The following POMC variants were observed in gnomAD, a reference collection of about 807,000 sequenced individuals.
POMC encodes the protein proopiomelanocortin.
POMC carries 19 observed loss-of-function variants against 18.5 expected under a neutral mutation model. The observed-to-expected ratio is 1.03, with a 90% CI of 0.72 to 1.51. The LOEUF (loss-of-function observed/expected upper bound fraction) is 1.51. POMC is among the 40% of genes most tolerant of loss of function. The probability of loss-of-function intolerance (pLI) is 0.00; values close to 1 mark genes in which losing one functional copy is unlikely to be tolerated. For synonymous variants in POMC, 179 were observed against 161.9 expected (o/e 1.11, Z -0.80); for missense variants, 451 against 379.0 (o/e 1.19, Z -1.58).
At chr2:25,167,325 A>C (rs1196919534) in intron 1 of POMC, among the ~76,000 whole-genome samples, 1 of 152,242 alleles carries the variant, frequency 6.6e-6, no homozygotes, top group Non-Finnish European at 1.5e-5. Flanking sequence ...GGCTCCTTCC[A>C]GCCATTCTGT....
Position 25,161,599 on chromosome 2 carries a change from C to CGCTGCTGCTGCTGTTGCG in POMC, c.268_285dup (p.Arg90_Ser95dup), listed in dbSNP as rs1558628664. On this transcript the variant is annotated inframe_insertion, in exon 3 of 3. Transcript: ENST00000395826. The surrounding 1 kb of genome is among the most constrained non-coding windows in gnomAD (Gnocchi z 5.7). Reference sequence around the variant, plus strand: ...CGCTTCTGCCCTGCGCCGCTGCTGCCGCTGCTGCTGCTGTTGCGGCGGCCG... The same window carrying CGCTGCTGCTGCTGTTGCG: ...CGCTTCTGCCCTGCGCCGCTGCTGCCGCTGCTGCTGCTGTTGCGGCTGCTGCTGCTGTTGCGGCGGCCG... 2.6e-6 allele frequency: 4 copies of CGCTGCTGCTGCTGTTGCG among 1,556,836 alleles called. No homozygotes were observed. The Admixed American group carries it at 5.8e-5, about 23-fold the overall frequency.
chr2:25,166,930 A>G (rs1671575797), intron 1 of POMC, among the ~76,000 whole-genome samples: 1 of 152,244 alleles, frequency 6.6e-6, no homozygotes, highest in Non-Finnish European at 1.5e-5. Flanking sequence ...GGGAAATATC[A>G]AATGTTGTGC....
chr2:25,162,036 T>G (rs2149220460), intron 2 of POMC, among the ~76,000 whole-genome samples: 1 of 152,350 alleles, frequency 6.6e-6, no homozygotes, highest in East Asian at 1.9e-4. Context: ...ATTCCATGGT[T>G]TGTCTAGCCA....
chr2:25,163,271 T>C (rs1010513592), intron 2 of POMC, among the ~76,000 whole-genome samples: 1 of 152,174 alleles, frequency 6.6e-6, no homozygotes, highest in African/African-American at 2.4e-5. Flanking sequence ...AGAGAGGTGA[T>C]AGGACCTGGT....
chr2:25,161,764 C>T lies in POMC; in HGVS notation c.133-12G>A, dbSNP rs1452163987. The stretch of plus-strand genomic sequence containing the variant: ...GCCCGGATGCACTCCTGGGGGAAGA[C>T]GCGAGGGCATGAGGGCAGCCCGTGC... On this transcript the variant is annotated splice_polypyrimidine_tract_variant and intron_variant, in intron 2 of 2. Transcript: ENST00000395826. The surrounding 1 kb of genome is among the most constrained non-coding windows in gnomAD (Gnocchi z 5.7). 2 of 1,584,724 alleles carry T rather than the reference C, an allele frequency of 1.3e-6. No individual in the cohort carries two copies. The highest frequency in any genetic ancestry group is 2.3e-5 in the East Asian group (1 of 43,090).
chr2:25,161,106 T>C lies in POMC; in HGVS notation c.779A>G (p.Lys260Arg), dbSNP rs1296999119. 3 of 1,613,692 alleles carry C rather than the reference T, an allele frequency of 1.9e-6. No homozygotes were observed. Among genetic ancestry groups the C allele is most frequent in the Admixed American group, 1.7e-5 (1 of 59,958 alleles). ...LVTLFKNAII[K>R]NAYKKGE ...TCACTCGCCCTTCTTGTAGGCGTTCTTGATGATGGCGTTTTTGAACAGCGT... is the reference window on the plus strand; with the variant it reads ...TCACTCGCCCTTCTTGTAGGCGTTCCTGATGATGGCGTTTTTGAACAGCGT... The change falls in exon 3 of 3, where the codon AAG becomes AGG. Residue 260 changes from lysine to arginine, a missense_variant. By Grantham distance (26) the Lys-to-Arg change is conservative. Transcript: ENST00000395826. This position sits in a 1 kb window ranked among gnomAD's most constrained non-coding sequence, Gnocchi z 5.7.
chr2:25,161,364 A>T lies in POMC; in HGVS notation c.521T>A (p.Leu174Gln). The T allele has an allele frequency of 6.2e-7, 1 of 1,605,684 alleles. No homozygotes were observed. Among genetic ancestry groups the T allele is most frequent in the Non-Finnish European group, 8.5e-7 (1 of 1,176,612 alleles). ...GCCAGTCAGCTCCCTCTTGAACTCC[A>T]GGGGGAAGGCCTCGGCCGACTCGTC... ...AEDESAEAFP[L>Q]EFKRELTGQR... Residue 174 changes from leucine (L) to glutamine (Q), a missense_variant, in exon 3 of 3, where the codon CTG becomes CAG. Transcript: ENST00000395826. This position sits in a 1 kb window ranked among gnomAD's most constrained non-coding sequence, Gnocchi z 5.7.
At chr2:25,164,250 T>C (rs1011128632) in intron 2 of POMC, among the ~76,000 whole-genome samples, 1 of 151,982 alleles carries the variant, frequency 6.6e-6, no homozygotes, top group Non-Finnish European at 1.5e-5. Flanking sequence ...GTAAGAAATA[T>C]GGAATGAAAA....
chr2:25,160,954 G>T lies in POMC; in HGVS notation c.*127C>A. On this transcript the variant is annotated 3_prime_UTR_variant, in exon 3 of 3. Transcript: ENST00000395826. ...GAAAGGTTTTATTTCCTAACTACAG[G>T]CAGCTTTAAGAGGCTGATTATCTGC... 6.9e-7 allele frequency: 1 copy of T among 1,445,632 alleles called. No individual in the cohort carries two copies. Among genetic ancestry groups the T allele is most frequent in the Non-Finnish European group, 9.3e-7 (1 of 1,073,746 alleles). The allele number at this position is 1,445,632 out of a possible 1,614,324, so 89.6% of individuals were successfully genotyped here. A position where few individuals can be genotyped will look rare whatever the true frequency, so the allele number is the denominator to read the frequency against.
intron 1 of POMC, among the ~76,000 whole-genome samples, chr2:25,167,669 T>C (rs562736734): frequency 6.6e-6 from 1 of 152,186 alleles, no homozygotes; most frequent in South Asian, 2.1e-4. Flanking sequence ...CCACCTCGGG[T>C]GCGCTAAGGT....
In POMC at chr2:25,164,755, GC is replaced by G. The variant is rs768369820; in HGVS notation, c.17del (p.Cys6SerfsTer65). ...CCAGCAACAGGGCCCCCGAGCGGCT[GC>G]AGCACGATCTCGGCATCTTCCAGGC... is the stretch of plus-strand genomic sequence containing the variant. MPRSC[C>X]SRSGALLLAL... On this transcript the variant is annotated frameshift_variant, in exon 2 of 3. Transcript: ENST00000395826. LOFTEE classifies it high-confidence loss of function. The G allele has an allele frequency of 3.1e-6, 5 of 1,614,010 alleles. No homozygotes were observed. Among genetic ancestry groups the G allele is most frequent in the Non-Finnish European group, 4.2e-6 (5 of 1,180,044 alleles).
chr2:25,165,037 C>T (rs1310087790), intron 1 of POMC, among the ~76,000 whole-genome samples: 1 of 152,094 alleles, frequency 6.6e-6, no homozygotes, highest in African/African-American at 2.4e-5. Context: ...TAAACGAGAC[C>T]CCTAAAAAGG....
At chr2:25,166,272 A>G (rs891909412) in intron 1 of POMC, among the ~76,000 whole-genome samples, 3 of 152,224 alleles carry the variant, frequency 2.0e-5, no homozygotes, top group Non-Finnish European at 4.4e-5. Flanking sequence ...CGCTTCGGCT[A>G]AAGGGGCAAC....
intron 1 of POMC, among the ~76,000 whole-genome samples, chr2:25,165,457 C>T (rs982018312): frequency 1.3e-5 from 2 of 152,220 alleles, no homozygotes; most frequent in Admixed American, 6.5e-5. Context: ...TACCCAGACT[C>T]CAGTAACTTT....
At chr2:25,166,301 C>A (rs900656334) in intron 1 of POMC, among the ~76,000 whole-genome samples, 2 of 152,242 alleles carry the variant, frequency 1.3e-5, no homozygotes, top group Non-Finnish European at 2.9e-5. Context: ...CTTTGGTCAA[C>A]CTTGGTGTCC....
At chr2:25,162,746 G>A (rs1397569254) in intron 2 of POMC, among the ~76,000 whole-genome samples, 4 of 152,164 alleles carry the variant, frequency 2.6e-5, no homozygotes, top group Non-Finnish European at 5.9e-5. Flanking sequence ...AAAAAATAAT[G>A]CCTCAACCTT....
rs958572502 is a variant in POMC, at chr2:25,168,525, C to A, written c.-48G>T. The A allele has an allele frequency of 1.3e-5, 2 of 152,344 alleles. No individual in the cohort carries two copies. Among genetic ancestry groups the A allele is most frequent in the Non-Finnish European group, 2.9e-5 (2 of 68,150 alleles). 9.4% of individuals were successfully genotyped at this position (152,344 alleles called of 1,614,324 possible). On this transcript the variant is annotated 5_prime_UTR_variant, in exon 1 of 3. Transcript: ENST00000395826. The surrounding 1 kb of genome is among the most constrained non-coding windows in gnomAD (Gnocchi z 5.2). ...GTCTCGGGAGGCTGCTCTCTGAGGGCGGGGACGCTCGGCGGCCTCTCTCGG... is the reference window on the plus strand; with the variant it reads ...GTCTCGGGAGGCTGCTCTCTGAGGGAGGGGACGCTCGGCGGCCTCTCTCGG...
rs201880685 is a variant in POMC, at chr2:25,161,176, A to T, written c.709T>A (p.Tyr237Asn). The change falls in exon 3 of 3, where the codon TAC becomes AAC. Residue 237 changes from tyrosine (Y) to asparagine (N), a missense_variant. Tyr to Asn is a moderately radical substitution (Grantham distance 143). Transcript: ENST00000395826. This position sits in a 1 kb window ranked among gnomAD's most constrained non-coding sequence, Gnocchi z 5.7. ...TTCTCGGAGGTCATGAAACCGCCGTAGCGCTTGTCCTTGGGCGGGCTGCCC... is the reference window on the plus strand; with the variant it reads ...TTCTCGGAGGTCATGAAACCGCCGTTGCGCTTGTCCTTGGGCGGGCTGCCC... The part of the protein sequence containing the change: ...RWGSPPKDKR[Y>N]GGFMTSEKSQ... The T allele has an allele frequency of 6.2e-7, 1 of 1,613,906 alleles. No individual in the cohort carries two copies. Among genetic ancestry groups the T allele is most frequent in the African/African-American group, 1.3e-5 (1 of 75,048 alleles).
Position 25,161,144 on chromosome 2 carries a change from CT to C in POMC, c.740del (p.Gln247ArgfsTer5), listed in dbSNP as rs913377707. On this transcript the variant is annotated frameshift_variant, in exon 3 of 3. Coordinates refer to ENST00000395826, the MANE Select transcript of POMC (RefSeq NM_000939.4). LOFTEE classifies it high-confidence loss of function. The surrounding 1 kb of genome is among the most constrained non-coding windows in gnomAD (Gnocchi z 5.7). ...TTTTGAACAGCGTCACCAGGGGCGT[CT>C]GGCTCTTCTCGGAGGTCATGAAACC... ...YGGFMTSEKSQTPLVTLFKNA... is the reference protein window; with the variant it reads ...YGGFMTSEKSXTPLVTLFKNA... 2 of 1,613,814 alleles carry C rather than the reference CT, an allele frequency of 1.2e-6. No homozygotes were observed. Among genetic ancestry groups the C allele is most frequent in the African/African-American group, 2.7e-5 (2 of 74,900 alleles).
Sources: allele counts gnomAD v4.1 joint callset (sites outside exome capture counted in the v4.1 genomes callset), GRCh38; gene constraint gnomAD v4.1.1; non-coding constraint Gnocchi (gnomAD v3.1); transcripts MANE v1.5; gene names NCBI Gene and HGNC (gene_info 2026-07-23, HGNC 2026-07-21).